The following ZRANB3 variants were observed in gnomAD, a reference collection of about 807,000 sequenced individuals.
ZRANB3 encodes DNA annealing helicase and endonuclease ZRANB3.
Under a neutral mutation model 133.8 loss-of-function variants are expected in ZRANB3, and 125 were observed. The ratio of observed to expected loss-of-function variants is 0.93; its 90% confidence interval spans 0.81 to 1.08. The LOEUF (loss-of-function observed/expected upper bound fraction) is 1.08. Ranked by LOEUF, ZRANB3 falls within the 50% of genes least tolerant of loss-of-function variation. The probability of loss-of-function intolerance (pLI) is 0.00; values close to 1 mark genes in which losing one functional copy is unlikely to be tolerated. For missense variants in ZRANB3, 1,229 were observed against 1,275.5 expected (o/e 0.96, Z 0.56); for synonymous variants, 387 against 432.7 (o/e 0.89, Z 1.31).
chr2:135,337,171 C>T (rs989067573), intron 6 of ZRANB3, among the ~76,000 whole-genome samples: 4 of 152,172 alleles, frequency 2.6e-5, no homozygotes, highest in Non-Finnish European at 5.9e-5. Flanking sequence ...CGATACCCAC[C>T]ATGGTCAGAA....
At chr2:135,310,703 G>A (rs771506032) in intron 8 of ZRANB3, among the ~76,000 whole-genome samples, 1 of 151,590 alleles carries the variant, frequency 6.6e-6, no homozygotes, top group Non-Finnish European at 1.5e-5. Flanking sequence ...AAAACCAAAG[G>A]ACCTAGCATC....
chr2:135,366,237 C>T (rs528314307), intron 3 of ZRANB3, among the ~76,000 whole-genome samples: 3 of 151,728 alleles, frequency 2.0e-5, no homozygotes, highest in South Asian at 4.2e-4. Context: ...AGATTCAGAA[C>T]GTACACCCTT....
At chr2:135,265,210 TC>T (rs1680170963) in intron 12 of ZRANB3, among the ~76,000 whole-genome samples, 1 of 152,238 alleles carries the variant, frequency 6.6e-6, no homozygotes, top group South Asian at 2.1e-4. Context: ...TACTCAAATA[TC>T]TGAATCTTTT....
chr2:135,314,086 A>T (rs1328610622), intron 7 of ZRANB3, among the ~76,000 whole-genome samples: 1 of 152,064 alleles, frequency 6.6e-6, no homozygotes, highest in African/African-American at 2.4e-5. Flanking sequence ...CTGGTCTCGA[A>T]CTCCTAACCT....
chr2:135,370,344 C>T (rs114844497), intron 3 of ZRANB3, among the ~76,000 whole-genome samples: 7,615 of 151,910 alleles, frequency 0.05, 263 homozygotes, highest in Middle Eastern at 0.12. Context: ...ACCCTTTCCC[C>T]GAGTCCCCAA....
At chr2:135,436,506 A>G (rs1689539829) in intron 2 of ZRANB3, among the ~76,000 whole-genome samples, 2 of 152,144 alleles carry the variant, frequency 1.3e-5, no homozygotes, top group African/African-American at 4.8e-5. Flanking sequence ...AGGCAATCCC[A>G]CTCACAACTA....
rs534397898 is a variant in ZRANB3, at chr2:135,443,358, A to G, written c.162-52538T>C. 6.9e-3 allele frequency among the ~76,000 whole-genome samples: 901 copies of G among 130,578 alleles called. 10 individuals carry two copies. Among genetic ancestry groups the G allele is most frequent in the African/African-American group, 0.024 (840 of 35,152 alleles). The allele number at this position is 130,578 out of a possible 152,430, so 85.7% of individuals were successfully genotyped here. The stretch of plus-strand genomic sequence containing the variant: ...ACGGACAATGGGAGTGTCGGGGGGG[A>G]CACATCACACAGTGGGGCCTGTCAG... On this transcript the variant is annotated intron_variant, in intron 2 of 20. Transcript: ENST00000264159.
chr2:135,505,889 A>G (rs113902574), intron 1 of ZRANB3, among the ~76,000 whole-genome samples: 116 of 152,310 alleles, frequency 7.6e-4, no homozygotes, highest in African/African-American at 2.6e-3. Flanking sequence ...ATATAGCACA[A>G]ATAGTGTAAG....
At chr2:135,236,535 G>A (rs1417166217) in intron 12 of ZRANB3, among the ~76,000 whole-genome samples, 3 of 152,072 alleles carry the variant, frequency 2.0e-5, no homozygotes, top group Non-Finnish European at 2.9e-5. Context: ...CTGACTTCAA[G>A]CTATACTACA....
At chr2:135,320,927 C>G (rs1683493868) in intron 6 of ZRANB3, among the ~76,000 whole-genome samples, 1 of 152,144 alleles carries the variant, frequency 6.6e-6, no homozygotes, top group Admixed American at 6.6e-5. Flanking sequence ...TTATTTCTTT[C>G]ACTTAGCATA....
chr2:135,274,619 T>G (rs1228232786), intron 9 of ZRANB3, among the ~76,000 whole-genome samples: 2 of 152,072 alleles, frequency 1.3e-5, no homozygotes, highest in African/African-American at 2.4e-5. Flanking sequence ...TTTAATTTAT[T>G]TTTTATTTAT....
intron 5 of ZRANB3, among the ~76,000 whole-genome samples, chr2:135,346,519 T>TATCC (rs1398127967): frequency 6.6e-6 from 1 of 152,092 alleles, no homozygotes; most frequent in Non-Finnish European, 1.5e-5. Context: ...ATCATCTATC[T>TATCC]ATCCATCCAT....
At chr2:135,290,431 T>G (rs193109514) in intron 8 of ZRANB3, among the ~76,000 whole-genome samples, 1 of 152,352 alleles carries the variant, frequency 6.6e-6, no homozygotes, top group East Asian at 1.9e-4. Flanking sequence ...TCACTTTTGG[T>G]GTCCATTTAC....
At chr2:135,467,148 A>T (rs889895265) in intron 2 of ZRANB3, among the ~76,000 whole-genome samples, 1 of 152,116 alleles carries the variant, frequency 6.6e-6, no homozygotes, top group South Asian at 2.1e-4. Context: ...ATTTCTCTCC[A>T]CATCTCCTAG....
At chr2:135,436,541 G>T (rs1689541061) in intron 2 of ZRANB3, among the ~76,000 whole-genome samples, 1 of 152,024 alleles carries the variant, frequency 6.6e-6, no homozygotes, top group South Asian at 2.1e-4. Flanking sequence ...AAATACCTAG[G>T]AATCTATCTA....
chr2:135,282,775 A>C (rs973817656), intron 8 of ZRANB3, among the ~76,000 whole-genome samples: 16 of 152,154 alleles, frequency 1.1e-4, no homozygotes, highest in African/African-American at 3.9e-4. Context: ...CTGGGATCCT[A>C]AATCTTTCCA....
intron 1 of ZRANB3, among the ~76,000 whole-genome samples, chr2:135,506,558 T>C (rs1693199003): frequency 6.6e-6 from 1 of 152,226 alleles, no homozygotes; most frequent in Non-Finnish European, 1.5e-5. Flanking sequence ...CATACACCAT[T>C]AACAAAATGT....
At chr2:135,490,680 G>T (rs1388901306) in intron 2 of ZRANB3, among the ~76,000 whole-genome samples, 1 of 152,116 alleles carries the variant, frequency 6.6e-6, no homozygotes, top group Non-Finnish European at 1.5e-5. Flanking sequence ...AGAGATATCT[G>T]CACTCTTATG....
intron 14 of ZRANB3, 83 bp from the exon 15 acceptor site, chr2:135,224,600 A>G (rs1259791495): frequency 1.1e-6 from 1 of 869,952 alleles, no homozygotes; most frequent in Non-Finnish European, 1.8e-6. Flanking sequence ...GTAGGTTAGA[A>G]CGATGAAATA....
Sources: allele counts gnomAD v4.1 joint callset (sites outside exome capture counted in the v4.1 genomes callset), GRCh38; gene constraint gnomAD v4.1.1; transcripts MANE v1.5; gene names NCBI Gene and HGNC (gene_info 2026-07-23, HGNC 2026-07-21).